The following MAP3K2 variants were observed in gnomAD, a reference collection of about 807,000 sequenced individuals.
MAP3K2 encodes MAP/ERK kinase kinase 2.
Under a neutral mutation model 80.3 loss-of-function variants are expected in MAP3K2, and 24 were observed. The observed-to-expected ratio is 0.30, with a 90% confidence interval of 0.22 to 0.42. MAP3K2 has a LOEUF of 0.42. MAP3K2 is among the 10% of genes least tolerant of loss of function. The pLI is 1.00. For missense variants in MAP3K2, 608 were observed against 750.1 expected, an observed-to-expected ratio of 0.81 and a Z score of 2.21; for synonymous variants, 244 against 253.7, an observed-to-expected ratio of 0.96 and a Z score of 0.36.
At chr2:127,388,209 G>T, upstream of MAP3K2, 26 of 984,506 alleles carry the variant, frequency 2.6e-5, no homozygotes, top group Non-Finnish European at 2.8e-5. Flanking sequence ...CCTGCCCCGG[G>T]GCAGCCTGTG....
Position 127,315,233 on chromosome 2 carries a change from T to C in MAP3K2, c.1327-350A>G, listed in dbSNP as rs377708939. Among the ~76,000 whole-genome samples the C allele has an allele frequency of 3.3e-5, 5 of 152,216 alleles. No individual in the cohort carries two copies. The South Asian group carries it at 1.0e-3, about 32-fold the overall frequency. ...GATAAGGTGCCATCTCTGAGAAAGC[T>C]GAATCAGTCTGAAGTGAGGAATAGG... On this transcript the variant is annotated intron_variant, in intron 14 of 16. Transcript: ENST00000682094.
chr2:127,378,937 CG>C (rs1384368326), intron 1 of MAP3K2, among the ~76,000 whole-genome samples: 1 of 149,398 alleles, frequency 6.7e-6, no homozygotes, highest in African/African-American at 2.5e-5. Flanking sequence ...GAACTACCGG[CG>C]TGTGTGCTAT....
intron 1 of MAP3K2, among the ~76,000 whole-genome samples, chr2:127,356,515 C>A (rs1423061538): frequency 6.6e-6 from 1 of 152,056 alleles, no homozygotes. Context: ...TTTTTATTAG[C>A]CTAATTTTTT....
At chr2:127,353,904 ATTC>A (rs1438927619) in intron 1 of MAP3K2, among the ~76,000 whole-genome samples, 2 of 151,698 alleles carry the variant, frequency 1.3e-5, no homozygotes, top group African/African-American at 4.9e-5. Context: ...ACTAAGAAAA[ATTC>A]TTCTGCCTTG....
chr2:127,375,611 T>C (rs1687139514), intron 1 of MAP3K2, among the ~76,000 whole-genome samples: 1 of 151,974 alleles, frequency 6.6e-6, no homozygotes, highest in Non-Finnish European at 1.5e-5. Flanking sequence ...GGTTTCACCA[T>C]GTTAGCCAAG....
chr2:127,365,125 A>C (rs1686950102), intron 1 of MAP3K2, among the ~76,000 whole-genome samples: 1 of 88,624 alleles, frequency 1.1e-5, no homozygotes, highest in Non-Finnish European at 2.3e-5. Context: ...TCAAAAAAAA[A>C]AAAAAAAAAA....
rs560916541 is a variant in MAP3K2, at chr2:127,343,582, T to C, written c.-65-388A>G. ...AACTCTTTTTCTATATAAACAGCAA[T>C]AGGAAACTAATATGTTGGTTTAAAA... On this transcript the variant is annotated intron_variant, in intron 1 of 16. Transcript: ENST00000682094. Among the ~76,000 whole-genome samples the C allele has an allele frequency of 3.9e-5, 6 of 152,020 alleles. No individual in the cohort carries two copies. In the East Asian group the frequency reaches 1.2e-3, roughly 29 times the overall value.
Position 127,322,499 on chromosome 2 carries a change from C to T in MAP3K2, c.839-247G>A, listed in dbSNP as rs1285914032. ...CACACATCTTAAAAAGGAACCTCCT[C>T]ACTTCTGGATAAAAAGGAGGAAAAA... On this transcript the variant is annotated intron_variant, in intron 11 of 16. Coordinates refer to ENST00000682094, the MANE Select transcript of MAP3K2 (RefSeq NM_001371910.2). This position sits in a 1 kb window ranked among gnomAD's most constrained non-coding sequence, Gnocchi z 4.2. Among the ~76,000 whole-genome samples, 1 of 152,170 alleles carries T rather than the reference C, an allele frequency of 6.6e-6. No individual in the cohort carries two copies. The highest frequency in any genetic ancestry group is 6.5e-5 in the Admixed American group (1 of 15,282).
intron 16 of MAP3K2, 48 bp downstream of exon 16, chr2:127,308,537 T>C (rs1468792573): frequency 6.7e-7 from 1 of 1,483,740 alleles, no homozygotes; most frequent in Non-Finnish European, 9.1e-7. Context: ...CAGGTGGAAA[T>C]ACATAGGCGG....
chr2:127,388,109 A>G (rs1687412646), upstream of MAP3K2: 8 of 983,410 alleles, frequency 8.1e-6, no homozygotes, highest in Non-Finnish European at 9.6e-6. Flanking sequence ...GAGGCCCGCC[A>G]CGCCCACACA....
rs1000304349 is a variant in MAP3K2, at chr2:127,304,682, A to T, written c.*2897T>A. ...CAAATTGCATTTGTTGATCCATATC[A>T]TTATTAGAAAGAAGAAAAAAACGGA... On this transcript the variant is annotated 3_prime_UTR_variant, in exon 17 of 17. Coordinates refer to ENST00000682094, the MANE Select transcript of MAP3K2 (RefSeq NM_001371910.2). 1 of 152,494 alleles carries T rather than the reference A, an allele frequency of 6.6e-6. No homozygotes were observed. 9.4% of individuals were successfully genotyped at this position (152,494 alleles called of 1,614,324 possible). A position where few individuals can be genotyped will look rare whatever the true frequency, so the allele number is the denominator to read the frequency against.
rs1685574203 is a variant in MAP3K2, at chr2:127,300,667, A to G, written c.*6912T>C. On this transcript the variant is annotated 3_prime_UTR_variant, in exon 17 of 17. Transcript: ENST00000682094. ...ACAATAGAAAAAATGTAAACCATTT[A>G]CTAATTAAGATTGCATTAAAACAAT... The G allele has an allele frequency of 6.6e-6, 1 of 152,242 alleles. No homozygotes were observed. Among genetic ancestry groups the G allele is most frequent in the African/African-American group, 2.4e-5 (1 of 41,470 alleles). 9.4% of individuals were successfully genotyped at this position (152,242 alleles called of 1,614,324 possible).
At chr2:127,367,816 T>C (rs771705765) in intron 1 of MAP3K2, among the ~76,000 whole-genome samples, 9 of 151,802 alleles carry the variant, frequency 5.9e-5, no homozygotes, top group Non-Finnish European at 2.9e-5. Flanking sequence ...CATAATACCA[T>C]TAAAATGTAA....
chr2:127,367,071 C>T (rs1217665239), intron 1 of MAP3K2, among the ~76,000 whole-genome samples: 5 of 151,890 alleles, frequency 3.3e-5, no homozygotes, highest in Non-Finnish European at 7.4e-5. Context: ...ATTACATGAT[C>T]TCAGAACACA....
At chr2:127,380,424 C>T (rs974198391) in intron 1 of MAP3K2, among the ~76,000 whole-genome samples, 6 of 152,268 alleles carry the variant, frequency 3.9e-5, no homozygotes, top group African/African-American at 1.4e-4. Context: ...TGACTAACCA[C>T]ACAAATGGAA....
chr2:127,343,976 C>T (rs912508053), intron 1 of MAP3K2, among the ~76,000 whole-genome samples: 1 of 151,446 alleles, frequency 6.6e-6, no homozygotes. Flanking sequence ...AGCTGTGGCA[C>T]TCCAGTCTGG....
At chr2:127,365,461 G>C (rs1038665510) in intron 1 of MAP3K2, among the ~76,000 whole-genome samples, 8 of 152,172 alleles carry the variant, frequency 5.3e-5, no homozygotes, top group Admixed American at 1.3e-4. Context: ...TCTTTCCATA[G>C]GGTAGGTGGC....
intron 4 of MAP3K2, 32 bp from the exon 5 acceptor site, chr2:127,336,001 C>T (rs1686364022): frequency 1.5e-6 from 2 of 1,318,024 alleles, no homozygotes; most frequent in Non-Finnish European, 2.1e-6. Flanking sequence ...ATTTTATTTT[C>T]TTAGGCAAAG....
At chr2:127,346,879 T>C (rs1472579051) in intron 1 of MAP3K2, among the ~76,000 whole-genome samples, 1 of 151,924 alleles carries the variant, frequency 6.6e-6, no homozygotes, top group East Asian at 1.9e-4. Context: ...TCCCAGCTAC[T>C]TGGGAGGCTG....
Sources: allele counts gnomAD v4.1 joint callset (sites outside exome capture counted in the v4.1 genomes callset), GRCh38; gene constraint gnomAD v4.1.1; non-coding constraint Gnocchi (gnomAD v3.1); transcripts MANE v1.5; gene names NCBI Gene and HGNC (gene_info 2026-07-23, HGNC 2026-07-21).